The following CCDC138 variants were observed in gnomAD, a reference collection of about 807,000 sequenced individuals.
The protein encoded by CCDC138 is coiled-coil domain containing 138.
CCDC138 carries 66 observed loss-of-function variants against 82.3 expected under a neutral mutation model. The observed-to-expected ratio is 0.80, with a 90% CI of 0.66 to 0.98. The LOEUF is 0.98. Among genes scored for constraint, CCDC138 ranks in the 50% least tolerant of loss-of-function variants. CCDC138 has a pLI of 0.00. For synonymous variants in CCDC138, 297 were observed against 265.4 expected (o/e 1.12, Z -1.16); for missense variants, 816 against 758.9 (o/e 1.08, Z -0.88).
intron 12 of CCDC138, among the ~76,000 whole-genome samples, chr2:108,850,382 C>T (rs1258527288): frequency 6.6e-6 from 1 of 152,018 alleles, no homozygotes; most frequent in South Asian, 2.1e-4. Context: ...GAAGATAATA[C>T]CTAGTTATAT....
chr2:108,805,405 G>T (rs1421357356), intron 7 of CCDC138, among the ~76,000 whole-genome samples: 1 of 152,012 alleles, frequency 6.6e-6, no homozygotes, highest in East Asian at 1.9e-4. Flanking sequence ...TTATAAACTG[G>T]TATCACATTG....
chr2:108,826,491 C>G (rs866348657), intron 10 of CCDC138, among the ~76,000 whole-genome samples: 1 of 152,094 alleles, frequency 6.6e-6, no homozygotes, highest in African/African-American at 2.4e-5. Context: ...TTTGTTTCAG[C>G]ATCATTAGTT....
intron 10 of CCDC138, among the ~76,000 whole-genome samples, chr2:108,837,951 G>A (rs767171038): frequency 7.1e-4 from 108 of 151,570 alleles, no homozygotes; most frequent in Non-Finnish European, 1.4e-3. Flanking sequence ...AGACACCAGA[G>A]TGGTCAGATG....
chr2:108,798,975 T>C (rs1255968961), intron 6 of CCDC138, among the ~76,000 whole-genome samples: 2 of 152,174 alleles, frequency 1.3e-5, no homozygotes, highest in African/African-American at 2.4e-5. Context: ...AGGAAATTAA[T>C]GCTAACTAAA....
intron 4 of CCDC138, 30 bp from the exon 5 acceptor site, chr2:108,794,510 T>C (rs781243220): frequency 1.3e-6 from 2 of 1,565,312 alleles, no homozygotes; most frequent in Admixed American, 3.8e-5. Flanking sequence ...GTTAATAAAG[T>C]TTATAATGCA....
At chr2:108,868,649 T>A (rs71421352) in intron 13 of CCDC138, among the ~76,000 whole-genome samples, 12,092 of 152,198 alleles carry the variant, frequency 0.079, 714 homozygotes, top group Middle Eastern at 0.16. Flanking sequence ...TGCTGAGAGT[T>A]TCTGGGAAAC....
chr2:108,844,294 T>C (rs921567406), intron 11 of CCDC138, among the ~76,000 whole-genome samples: 3 of 152,146 alleles, frequency 2.0e-5, no homozygotes, highest in Non-Finnish European at 4.4e-5. Context: ...GTTGTTCAGG[T>C]TGGGTGTTTT....
intron 14 of CCDC138, among the ~76,000 whole-genome samples, chr2:108,874,713 T>A (rs1272574149): frequency 5.3e-5 from 8 of 152,144 alleles, no homozygotes; most frequent in African/African-American, 2.4e-5. Context: ...TGTAATAAAT[T>A]ATTGTCAAAT....
At chr2:108,873,654 G>C in intron 14 of CCDC138, 65 bp downstream of exon 14, 1 of 1,170,330 alleles carries the variant, frequency 8.5e-7, no homozygotes, top group South Asian at 1.6e-5. Flanking sequence ...TTTAAACCAG[G>C]GGTTTTAATC....
chr2:108,815,928 T>A lies in CCDC138; in HGVS notation c.1042-13T>A. 1 of 1,582,204 alleles carries A rather than the reference T, an allele frequency of 6.3e-7. No homozygotes were observed. Among genetic ancestry groups the A allele is most frequent in the Non-Finnish European group, 8.6e-7 (1 of 1,168,172 alleles). On this transcript the variant is annotated splice_polypyrimidine_tract_variant and intron_variant, in intron 9 of 14. Transcript: ENST00000295124. ...TGTGAACTGAAATAAATGATTTAAT[T>A]TTTGACATATAGGTACCACTTAATG... is the stretch of plus-strand genomic sequence containing the variant.
At chr2:108,800,263 TTTG>T (rs1037367358) in intron 6 of CCDC138, among the ~76,000 whole-genome samples, 1 of 152,130 alleles carries the variant, frequency 6.6e-6, no homozygotes, top group South Asian at 2.1e-4. Flanking sequence ...CCTCACTTTT[TTTG>T]TTGTTGTTGT....
intron 12 of CCDC138, among the ~76,000 whole-genome samples, chr2:108,850,589 T>C (rs112654383): frequency 0.041 from 6,252 of 151,986 alleles, 437 homozygotes; most frequent in African/African-American, 0.14. Flanking sequence ...GTAGCTGGGA[T>C]TACAGGCACG....
intron 10 of CCDC138, 137 bp downstream of exon 10, chr2:108,816,242 G>A (rs1194963182): frequency 8.2e-6 from 5 of 610,204 alleles, no homozygotes; most frequent in Non-Finnish European, 1.1e-5. Flanking sequence ...CCTGAGGTCA[G>A]GAGTTTAAGA....
At chr2:108,808,483 T>C (rs1683227837) in intron 7 of CCDC138, among the ~76,000 whole-genome samples, 1 of 152,170 alleles carries the variant, frequency 6.6e-6, no homozygotes, top group Non-Finnish European at 1.5e-5. Context: ...CCACCAACAA[T>C]GTAAAAGAGT....
At chr2:108,817,770 G>A (rs1685043082) in intron 10 of CCDC138, among the ~76,000 whole-genome samples, 1 of 152,152 alleles carries the variant, frequency 6.6e-6, no homozygotes, top group Non-Finnish European at 1.5e-5. Flanking sequence ...GATTTTGGCT[G>A]GCTGAGACCC....
At chr2:108,786,769 C>T (rs1678822621), upstream of CCDC138, 32 of 1,491,520 alleles carry the variant, frequency 2.1e-5, no homozygotes, top group Non-Finnish European at 2.8e-5. Flanking sequence ...CCGCGTAGCG[C>T]CGCGGGTTTG....
At chr2:108,806,917 G>A (rs1682973345) in intron 7 of CCDC138, among the ~76,000 whole-genome samples, 1 of 152,208 alleles carries the variant, frequency 6.6e-6, no homozygotes, top group South Asian at 2.1e-4. Flanking sequence ...GATCTCAGTT[G>A]AAAGGAGCAG....
chr2:108,806,431 A>C (rs1682890696), intron 7 of CCDC138, among the ~76,000 whole-genome samples: 1 of 152,224 alleles, frequency 6.6e-6, no homozygotes, highest in Non-Finnish European at 1.5e-5. Flanking sequence ...AATTGGATTT[A>C]TGAGCTAATG....
chr2:108,821,932 A>G (rs1685774577), intron 10 of CCDC138, among the ~76,000 whole-genome samples: 1 of 151,450 alleles, frequency 6.6e-6, no homozygotes, highest in South Asian at 2.1e-4. Context: ...TTGTCTCAAA[A>G]AAAAAAAAAA....
Sources: allele counts gnomAD v4.1 joint callset (sites outside exome capture counted in the v4.1 genomes callset), GRCh38; gene constraint gnomAD v4.1.1; transcripts MANE v1.5; gene names NCBI Gene and HGNC (gene_info 2026-07-23, HGNC 2026-07-21).